The following ATAD2B variants were observed in gnomAD, a reference collection of about 807,000 sequenced individuals.
ATAD2B encodes the protein ATPase family AAA domain-containing protein 2B.
ATAD2B carries 40 observed loss-of-function variants against 167.6 expected under a neutral mutation model. The ratio of observed to expected loss-of-function variants is 0.24; its 90% CI spans 0.19 to 0.31. The LOEUF is 0.31. ATAD2B is among the 10% of genes least tolerant of loss of function. The probability of loss-of-function intolerance (pLI) is 1.00; values close to 1 mark genes in which losing one functional copy is unlikely to be tolerated. For missense variants in ATAD2B, 1,242 were observed against 1,757.2 expected (o/e 0.71, Z 5.24); for synonymous variants, 579 against 596.5 (o/e 0.97, Z 0.43).
intron 18 of ATAD2B, among the ~76,000 whole-genome samples, chr2:23,808,329 T>C (rs1684987779): frequency 6.6e-6 from 1 of 150,662 alleles, no homozygotes; most frequent in Non-Finnish European, 1.5e-5. Flanking sequence ...AGAAGATTGA[T>C]GATACTATGA....
chr2:23,692,356 C>A, the ATAD2B span, among the ~76,000 whole-genome samples: 2 of 152,250 alleles, frequency 1.3e-5, no homozygotes, highest in Non-Finnish European at 2.9e-5. Context: ...AGGATGGGGA[C>A]TGAGTGTCAG....
chr2:23,680,296 G>A, the ATAD2B span, among the ~76,000 whole-genome samples: 1 of 152,130 alleles, frequency 6.6e-6, no homozygotes, highest in Non-Finnish European at 1.5e-5. The surrounding 1 kb of genome is among the most constrained non-coding windows in gnomAD (Gnocchi z 4.1). Context: ...TGCGGGCAGT[G>A]GACCGTCTTC....
At chr2:23,920,462 A>G (rs1703745011) in intron 1 of ATAD2B, among the ~76,000 whole-genome samples, 1 of 152,218 alleles carries the variant, frequency 6.6e-6, no homozygotes, top group African/African-American at 2.4e-5. Context: ...TATAACCATG[A>G]TAGTCTCAAA....
At chr2:23,732,786 C>T in the ATAD2B span, among the ~76,000 whole-genome samples, 5 of 152,242 alleles carry the variant, frequency 3.3e-5, no homozygotes, top group African/African-American at 1.2e-4. Flanking sequence ...AATCTTGACC[C>T]ATTAATATCA....
intron 8 of ATAD2B, among the ~76,000 whole-genome samples, chr2:23,875,086 A>G (rs1028135624): frequency 6.6e-6 from 1 of 151,400 alleles, no homozygotes; most frequent in African/African-American, 2.4e-5. Flanking sequence ...ATCAGGGGGA[A>G]AAAGTATCAA....
At chr2:23,923,753 A>T (rs901089040) in intron 1 of ATAD2B, among the ~76,000 whole-genome samples, 2 of 152,234 alleles carry the variant, frequency 1.3e-5, no homozygotes, top group Non-Finnish European at 2.9e-5. Flanking sequence ...ACTACTTGGG[A>T]AAAAGACAAA....
chr2:23,751,863 G>T lies in ATAD2B; in HGVS notation c.*183C>A. 1.7e-6 allele frequency: 1 copy of T among 589,248 alleles called. No homozygotes were observed. Among genetic ancestry groups the T allele is most frequent in the Non-Finnish European group, 3.0e-6 (1 of 328,508 alleles). 36.5% of individuals were successfully genotyped at this position (589,248 alleles called of 1,614,324 possible). A position where few individuals can be genotyped will look rare whatever the true frequency, so the allele number is the denominator to read the frequency against. ...GTTTCTGAAGTTCTGTTTGGTTCTT[G>T]TAGGCTGGTTGGTTTCAGGTACCTG... On this transcript the variant is annotated 3_prime_UTR_variant, in exon 28 of 28. Coordinates refer to ENST00000238789, the MANE Select transcript of ATAD2B (RefSeq NM_017552.4).
At chr2:23,797,124 C>A (rs994174140) in intron 19 of ATAD2B, among the ~76,000 whole-genome samples, 1 of 152,012 alleles carries the variant, frequency 6.6e-6, no homozygotes, top group Admixed American at 6.6e-5. Flanking sequence ...CACAAAAGAA[C>A]TCAGTAAACA....
rs759659270 is a variant in ATAD2B, at chr2:23,823,419, A to G, written c.1970T>C (p.Met657Thr). The change falls in exon 16 of 28, where the codon ATG becomes ACG. Residue 657 changes from methionine (M) to threonine (T), a missense_variant. This residue lies in a region of ATAD2B where 145 missense variants were observed against 181.9 expected (regional missense o/e 0.80). Transcript: ENST00000238789. ...TTGGGAAGCAGGCACGATATTCTGC[A>G]TTGCATGGTAAAAATCTTGGGCACT... ...VLSAQDFYHA[M>T]QNIVPASQRA... 5.0e-6 allele frequency: 8 copies of G among 1,613,860 alleles called. No homozygotes were observed. Among genetic ancestry groups the G allele is most frequent in the Non-Finnish European group, 6.8e-6 (8 of 1,179,902 alleles).
intron 13 of ATAD2B, among the ~76,000 whole-genome samples, chr2:23,841,966 AT>A (rs1324617063): frequency 1.3e-5 from 2 of 151,972 alleles, no homozygotes; most frequent in African/African-American, 2.4e-5. Context: ...TTTTTGTGCT[AT>A]TTTTTTCCAC....
chr2:23,872,708 G>GC, intron 8 of ATAD2B: 1 of 1,211,982 alleles, frequency 8.3e-7, no homozygotes, highest in East Asian at 2.3e-5. Flanking sequence ...AGCAGTTTCT[G>GC]CTTTACTGAG....
At chr2:23,765,008 T>C (rs1448407174) in intron 23 of ATAD2B, among the ~76,000 whole-genome samples, 1 of 152,244 alleles carries the variant, frequency 6.6e-6, no homozygotes, top group Non-Finnish European at 1.5e-5. Context: ...TGATTGGTTT[T>C]ACATTTCTCT....
At chr2:23,796,798 A>G in intron 19 of ATAD2B, among the ~76,000 whole-genome samples, 1 of 152,188 alleles carries the variant, frequency 6.6e-6, no homozygotes, top group Non-Finnish European at 1.5e-5. Flanking sequence ...AAATTCACGT[A>G]TACTGTCTCA....
At chr2:23,906,061 G>C (rs1283277864) in intron 1 of ATAD2B, among the ~76,000 whole-genome samples, 1 of 152,122 alleles carries the variant, frequency 6.6e-6, no homozygotes, top group Non-Finnish European at 1.5e-5. Context: ...GGTCGGCTGG[G>C]TGCGGTGGCT....
At chr2:23,906,385 T>C (rs1194224188) in intron 1 of ATAD2B, among the ~76,000 whole-genome samples, 3 of 152,008 alleles carry the variant, frequency 2.0e-5, no homozygotes, top group Non-Finnish European at 4.4e-5. Context: ...TTTATAAAGT[T>C]AAAAGTATGG....
At chr2:23,878,383 G>A (rs761272375) in intron 7 of ATAD2B, among the ~76,000 whole-genome samples, 15 of 151,460 alleles carry the variant, frequency 9.9e-5, no homozygotes, top group South Asian at 4.2e-4. Context: ...AATAGGCCAG[G>A]TGCAGTGGCT....
the ATAD2B span, among the ~76,000 whole-genome samples, chr2:23,705,138 A>C: frequency 1.3e-5 from 2 of 152,236 alleles, no homozygotes; most frequent in Admixed American, 1.3e-4. Flanking sequence ...CCACTGATGC[A>C]GACAACTGGA....
the ATAD2B span, among the ~76,000 whole-genome samples, chr2:23,721,810 C>A: frequency 6.6e-6 from 1 of 152,170 alleles, no homozygotes; most frequent in East Asian, 1.9e-4. Flanking sequence ...GGCCTGCCCC[C>A]AGGCCAGCCA....
At chr2:23,896,809 C>G (rs1700215941) in intron 1 of ATAD2B, among the ~76,000 whole-genome samples, 1 of 152,166 alleles carries the variant, frequency 6.6e-6, no homozygotes, top group African/African-American at 2.4e-5. Context: ...TCAGTCTTTC[C>G]TTCTTTCCCT....
Sources: allele counts gnomAD v4.1 joint callset (sites outside exome capture counted in the v4.1 genomes callset), GRCh38; gene constraint gnomAD v4.1.1; regional missense constraint gnomAD v4.1.1; non-coding constraint Gnocchi (gnomAD v3.1); transcripts MANE v1.5; gene names NCBI Gene and HGNC (gene_info 2026-07-23, HGNC 2026-07-21).